Variants in PHLPP2 observed in about 807,000 individuals in gnomAD.
PHLPP2 encodes the protein PH domain leucine-rich repeat-containing protein phosphatase 2.
PHLPP2 carries 66 observed loss-of-function variants against 124.9 expected under a neutral mutation model. The ratio of observed to expected loss-of-function variants is 0.53; its 90% CI spans 0.43 to 0.65. The LOEUF (loss-of-function observed/expected upper bound fraction) is 0.65, where lower values mean the gene tolerates loss of function less well. Ranked by LOEUF, PHLPP2 falls within the 30% of genes least tolerant of loss-of-function variation. The probability of loss-of-function intolerance (pLI) is 0.00; values close to 1 mark genes in which losing one functional copy is unlikely to be tolerated. For missense variants in PHLPP2, 1,685 were observed against 1,600.4 expected (o/e 1.05, Z -0.90); for synonymous variants, 681 against 624.7 (o/e 1.09, Z -1.34).
At chr16:71,658,447 C>T in intron 14 of PHLPP2, 84 bp from the exon 15 acceptor site, 2 of 1,319,250 alleles carry the variant, frequency 1.5e-6, no homozygotes, top group Admixed American at 2.3e-5. Flanking sequence ...CTTACTATAT[C>T]CCCAAAGAGG....
chr16:71,710,681 C>G (rs968293909), intron 2 of PHLPP2, among the ~76,000 whole-genome samples: 3 of 152,248 alleles, frequency 2.0e-5, no homozygotes, highest in Non-Finnish European at 4.4e-5. Flanking sequence ...TCCACCTAAA[C>G]CTACTGAATC....
chr16:71,660,707 A>C lies in PHLPP2; in HGVS notation c.1986-1892T>G, dbSNP rs374210416. ...GCGTGAGCCACTGCGCCCGGCCTATACATTGTATTTATGATTTTATTTAAC... is the reference window on the plus strand; with the variant it reads ...GCGTGAGCCACTGCGCCCGGCCTATCCATTGTATTTATGATTTTATTTAAC... On this transcript the variant is annotated intron_variant, in intron 13 of 18. Transcript: ENST00000568954. Among the ~76,000 whole-genome samples the C allele has an allele frequency of 1.3e-4, 20 of 151,966 alleles. No individual in the cohort carries two copies. In the South Asian group the frequency reaches 4.2e-3, roughly 32 times the overall value.
chr16:71,649,149 T>C lies in PHLPP2; in HGVS notation c.3713A>G (p.Lys1238Arg). 6.2e-7 allele frequency: 1 copy of C among 1,614,176 alleles called. No homozygotes were observed. Among genetic ancestry groups the C allele is most frequent in the African/African-American group, 1.3e-5 (1 of 75,048 alleles). ...KSPSTSCLYGKKLSNGSIVPL... is the reference protein window; with the variant it reads ...KSPSTSCLYGRKLSNGSIVPL... The stretch of plus-strand genomic sequence containing the variant: ...CACAATAGAGCCATTGGAGAGTTTC[T>C]TCCCATAGAGGCAGGAGGTGGAGGG... The change falls in exon 19 of 19, where the codon AAG (lysine) becomes AGG (arginine). Residue 1238 changes from lysine (K) to arginine (R), a missense_variant. Coordinates refer to ENST00000568954, the MANE Select transcript of PHLPP2 (RefSeq NM_015020.3).
At chr16:71,708,371 G>C (rs1040208186) in intron 2 of PHLPP2, among the ~76,000 whole-genome samples, 1 of 152,116 alleles carries the variant, frequency 6.6e-6, no homozygotes, top group African/African-American at 2.4e-5. Context: ...CCTCCACTGA[G>C]CATCTTGTAA....
At chr16:71,690,756 GAA>G in intron 3 of PHLPP2, 47 bp from the exon 4 acceptor site, 1 of 1,294,914 alleles carries the variant, frequency 7.7e-7, no homozygotes, top group Non-Finnish European at 1.1e-6. Context: ...AGTAGTGTAA[GAA>G]TACAGAAATG....
rs781145927 is a variant in PHLPP2, at chr16:71,663,901, T to C, written c.1983A>G (p.Ala661=). ...LANNQLQTFP[A]SKLNKLEQLE... The stretch of plus-strand genomic sequence containing the variant: ...ATCAAAGTTTGCATTCATTTTACCT[T>C]GCAGGAAAGGTCTGTAACTGATTGT... Residue 661 remains alanine (A), a splice_region_variant and synonymous_variant, in exon 13 of 19, where the codon GCA becomes GCG. Transcript: ENST00000568954. 48 of 1,611,846 alleles carry C rather than the reference T, an allele frequency of 3.0e-5. No homozygotes were observed. Among genetic ancestry groups the C allele is most frequent in the South Asian group, 8.8e-5 (8 of 91,066 alleles).
intron 12 of PHLPP2, 66 bp downstream of exon 12, chr16:71,667,112 G>A: frequency 7.5e-7 from 1 of 1,337,388 alleles, no homozygotes; most frequent in East Asian, 2.3e-5. Context: ...TCACTCCAAT[G>A]ATAAGTCACT....
Position 71,658,642 on chromosome 16 carries a change from C to G in PHLPP2, c.2148+11G>C. On this transcript the variant is annotated intron_variant, in intron 14 of 18. Coordinates refer to ENST00000568954, the MANE Select transcript of PHLPP2 (RefSeq NM_015020.3). Reference sequence around the variant, plus strand: ...CCCCAATAAGGACATCATTCCAGCACACAGAAGTACCTGGATCTGAGGCAA... The same window carrying G: ...CCCCAATAAGGACATCATTCCAGCAGACAGAAGTACCTGGATCTGAGGCAA... 1 of 1,612,608 alleles carries G rather than the reference C, an allele frequency of 6.2e-7. No homozygotes were observed. Among genetic ancestry groups the G allele is most frequent in the Non-Finnish European group, 8.5e-7 (1 of 1,178,984 alleles).
At chr16:71,683,927 G>C (rs2045027533) in intron 5 of PHLPP2, among the ~76,000 whole-genome samples, 1 of 147,864 alleles carries the variant, frequency 6.8e-6, no homozygotes, top group Admixed American at 7.0e-5. Context: ...CAAGTAGCTG[G>C]GATTACAGGC....
chr16:71,654,706 C>T (rs2044727474), intron 17 of PHLPP2, among the ~76,000 whole-genome samples: 1 of 152,210 alleles, frequency 6.6e-6, no homozygotes, highest in South Asian at 2.1e-4. Flanking sequence ...CTACTTACCA[C>T]ATTTTCAACT....
At chr16:71,690,958 C>A (rs1340130138) in intron 3 of PHLPP2, among the ~76,000 whole-genome samples, 1 of 152,164 alleles carries the variant, frequency 6.6e-6, no homozygotes, top group Non-Finnish European at 1.5e-5. Flanking sequence ...CTTCTTCCAA[C>A]AGCCATATCT....
chr16:71,671,241 C>T (rs894143897), intron 10 of PHLPP2, among the ~76,000 whole-genome samples: 7 of 152,126 alleles, frequency 4.6e-5, no homozygotes, highest in Non-Finnish European at 2.9e-5. Flanking sequence ...GATAAAGTAA[C>T]GAAATCAACA....
At chr16:71,655,740 T>C (rs1311553396) in intron 16 of PHLPP2, among the ~76,000 whole-genome samples, 1 of 152,070 alleles carries the variant, frequency 6.6e-6, no homozygotes, top group Non-Finnish European at 1.5e-5. Flanking sequence ...TCCGCCCACC[T>C]TGGCCTCCCA....
At chr16:71,660,419 G>T (rs1351193331) in intron 13 of PHLPP2, among the ~76,000 whole-genome samples, 1 of 104,984 alleles carries the variant, frequency 9.5e-6, no homozygotes, top group Non-Finnish European at 1.8e-5. Context: ...TATATACACT[G>T]TATTTTTTTT....
At chr16:71,686,549 C>T (rs1343178108) in intron 4 of PHLPP2, among the ~76,000 whole-genome samples, 1 of 152,042 alleles carries the variant, frequency 6.6e-6, no homozygotes, top group Admixed American at 6.6e-5. Context: ...CAGTGTGCAA[C>T]CCCATGGCCC....
In PHLPP2 at chr16:71,669,355, A is replaced by T; in HGVS notation, c.1548T>A (p.Cys516Ter). ...FLDLSRNLLE[C>*]VPDWACEAKK... ...TTGCTTCACAGGCCCAGTCAGGGAC[A>T]CACTCTAGCAGGTTTCTGCAGAAAA... Residue 516 changes from cysteine (C) to a stop codon, truncating the protein, a stop_gained, in exon 11 of 19, where the codon TGT (cysteine) becomes TGA (stop). Coordinates refer to ENST00000568954, the MANE Select transcript of PHLPP2 (RefSeq NM_015020.3). LOFTEE classifies it high-confidence loss of function. 6.2e-7 allele frequency: 1 copy of T among 1,610,446 alleles called. No homozygotes were observed. The highest frequency in any genetic ancestry group is 8.5e-7 in the Non-Finnish European group (1 of 1,178,340).
At chr16:71,715,128 G>A in intron 1 of PHLPP2, 1 of 290,184 alleles carries the variant, frequency 3.4e-6, no homozygotes, top group Admixed American at 4.8e-5. Context: ...AAGGTAAGAG[G>A]ACTGCTTGAG....
Position 71,647,176 on chromosome 16 carries a change from T to A in PHLPP2, c.*1714A>T, listed in dbSNP as rs540097251. The A allele has an allele frequency of 6.6e-6, 1 of 152,624 alleles. No individual in the cohort carries two copies. The highest frequency in any genetic ancestry group is 2.4e-5 in the African/African-American group (1 of 41,450). 9.5% of individuals were successfully genotyped at this position (152,624 alleles called of 1,614,324 possible). ...CCAAAAATTCAAAGCACATTCCCCA[T>A]TGGGTAAAATCAAGCAATGCCAACA... On this transcript the variant is annotated 3_prime_UTR_variant, in exon 19 of 19. Coordinates refer to ENST00000568954, the MANE Select transcript of PHLPP2 (RefSeq NM_015020.3).
intron 1 of PHLPP2, chr16:71,723,804 CG>C: frequency 1.5e-6 from 2 of 1,292,874 alleles, no homozygotes; most frequent in East Asian, 3.4e-5. Context: ...CGGCGGCTCG[CG>C]GGCGCTTCGG....
Sources: gnomAD v4.1 joint callset for allele counts (sites outside exome capture counted in the v4.1 genomes callset) on GRCh38, gnomAD v4.1.1 for gene constraint, MANE v1.5 for transcripts, NCBI Gene and HGNC (gene_info 2026-07-23, HGNC 2026-07-21) for gene names.